Variants in RASGRF2 observed in about 807,000 individuals in gnomAD.
RASGRF2 encodes Ras protein specific guanine nucleotide releasing factor 2, also known as ras-specific guanine nucleotide-releasing factor 2.
A neutral mutation model predicts 151.0 loss-of-function variants in RASGRF2; 76 were observed. That is an observed-to-expected ratio of 0.50 (90% CI 0.42 to 0.61). The LOEUF (loss-of-function observed/expected upper bound fraction) is 0.61, where lower values mean the gene tolerates loss of function less well. Ranked by LOEUF, RASGRF2 falls within the 20% of genes least tolerant of loss-of-function variation. The pLI, the probability that RASGRF2 is intolerant of heterozygous loss-of-function variation, is 0.00. For synonymous variants in RASGRF2, 504 were observed against 566.5 expected (o/e 0.89, Z 1.57); for missense variants, 1,148 against 1,564.6 (o/e 0.73, Z 4.49).
chr5:81,221,822 C>T (rs1755862515), intron 26 of RASGRF2, among the ~76,000 whole-genome samples: 1 of 152,186 alleles, frequency 6.6e-6, no homozygotes, highest in Non-Finnish European at 1.5e-5. Context: ...ACCAAAACTA[C>T]AAAAATTATC....
At chr5:81,087,673 T>G in intron 9 of RASGRF2, 1 of 392,302 alleles carries the variant, frequency 2.5e-6, no homozygotes, top group East Asian at 4.1e-5. Context: ...CCAAGTTATT[T>G]TTTTAGTGCT....
At chr5:81,090,203 C>A (rs922253712) in intron 9 of RASGRF2, among the ~76,000 whole-genome samples, 4 of 152,240 alleles carry the variant, frequency 2.6e-5, no homozygotes, top group Middle Eastern at 6.8e-3. Context: ...ATGCCTAACC[C>A]AATAAGCTGG....
chr5:81,140,065 G>A (rs1030436329), intron 17 of RASGRF2, among the ~76,000 whole-genome samples: 1 of 152,062 alleles, frequency 6.6e-6, no homozygotes, highest in African/African-American at 2.4e-5. Flanking sequence ...CCGTCCTTAA[G>A]TGATCCTCCT....
intron 12 of RASGRF2, among the ~76,000 whole-genome samples, chr5:81,108,339 TCCTGAAC>T (rs368975850): frequency 0.068 from 10,291 of 152,274 alleles, 373 homozygotes; most frequent in South Asian, 0.12. Context: ...TAGCACAGCT[TCCTGAAC>T]TCTCCTCTTG....
chr5:81,204,881 GCTAA>G (rs1278985872), intron 19 of RASGRF2, among the ~76,000 whole-genome samples: 1 of 152,174 alleles, frequency 6.6e-6, no homozygotes, highest in Non-Finnish European at 1.5e-5. Context: ...TTTGATGGGA[GCTAA>G]CTAACTTTTT....
intron 1 of RASGRF2, among the ~76,000 whole-genome samples, chr5:80,969,606 G>T (rs538684790): frequency 6.9e-6 from 1 of 145,202 alleles, no homozygotes; most frequent in Non-Finnish European, 1.5e-5. Context: ...CCGCCACCAC[G>T]CCCGGCTAAT....
chr5:80,987,897 C>T (rs1357753444), intron 1 of RASGRF2, among the ~76,000 whole-genome samples: 1 of 152,110 alleles, frequency 6.6e-6, no homozygotes, highest in Non-Finnish European at 1.5e-5. Flanking sequence ...TCTTAGAAAG[C>T]TACTTAGAGA....
chr5:81,046,160 A>G (rs1430333992), intron 2 of RASGRF2, among the ~76,000 whole-genome samples: 1 of 152,186 alleles, frequency 6.6e-6, no homozygotes, highest in African/African-American at 2.4e-5. Context: ...TGCCACTTAG[A>G]TACAAAGACT....
intron 9 of RASGRF2, chr5:81,087,651 G>A: frequency 4.4e-6 from 2 of 455,912 alleles, no homozygotes; most frequent in South Asian, 4.5e-5. Context: ...AATGCAAGAC[G>A]TAAACCACAT....
intron 1 of RASGRF2, among the ~76,000 whole-genome samples, chr5:80,979,394 T>G (rs1241323872): frequency 6.6e-6 from 1 of 152,202 alleles, no homozygotes; most frequent in Non-Finnish European, 1.5e-5. Context: ...TCATTGTAAT[T>G]AAAGTGCCTA....
At chr5:80,995,235 G>T (rs1357848731) in intron 1 of RASGRF2, among the ~76,000 whole-genome samples, 1 of 132,760 alleles carries the variant, frequency 7.5e-6, no homozygotes, top group Non-Finnish European at 1.5e-5. Flanking sequence ...CAGCCTGGGC[G>T]ATAGAGCCAG....
chr5:81,113,201 G>A (rs779345199), intron 14 of RASGRF2, among the ~76,000 whole-genome samples: 19 of 151,420 alleles, frequency 1.3e-4, no homozygotes, highest in African/African-American at 3.9e-4. Context: ...AATCAGTTGC[G>A]TGTGGTGTGG....
intron 12 of RASGRF2, among the ~76,000 whole-genome samples, chr5:81,105,067 C>T (rs957986802): frequency 3.3e-5 from 5 of 152,146 alleles, no homozygotes; most frequent in African/African-American, 1.2e-4. Flanking sequence ...AACTGCTTCC[C>T]TTCTTGTCTC....
intron 26 of RASGRF2, among the ~76,000 whole-genome samples, chr5:81,220,346 T>A (rs1755831942): frequency 6.6e-6 from 1 of 152,186 alleles, no homozygotes; most frequent in African/African-American, 2.4e-5. Context: ...GACTTTACTT[T>A]TTTAGAATAG....
rs564320208 is a variant in RASGRF2 at position 81,034,297 on chromosome 5, C to T, written c.289-8580C>T. Among the ~76,000 whole-genome samples the T allele has an allele frequency of 4.9e-3, 749 of 152,316 alleles. 9 individuals are homozygous for T. Among genetic ancestry groups the T allele is most frequent in the African/African-American group, 0.016 (654 of 41,556 alleles). ...TGGCAATCATTAAAAAGACAGGAAA[C>T]AACAGGTGCTGGAGAGGATGTGGAG... On this transcript the variant is annotated intron_variant, in intron 1 of 26. Transcript: ENST00000265080.
intron 18 of RASGRF2, among the ~76,000 whole-genome samples, chr5:81,195,191 A>G (rs1755236902): frequency 6.6e-6 from 1 of 152,178 alleles, no homozygotes; most frequent in African/African-American, 2.4e-5. Context: ...GGCTCCACCC[A>G]GGGGCCCGCG....
chr5:81,003,565 T>A (rs1749166969), intron 1 of RASGRF2, among the ~76,000 whole-genome samples: 1 of 152,208 alleles, frequency 6.6e-6, no homozygotes, highest in Non-Finnish European at 1.5e-5. Flanking sequence ...TTTTGCCATG[T>A]TGGCCAGGCT....
intron 17 of RASGRF2, among the ~76,000 whole-genome samples, chr5:81,178,370 A>C (rs370564238): frequency 6.6e-6 from 1 of 152,238 alleles, no homozygotes; most frequent in African/African-American, 2.4e-5. Context: ...AGAAGAAGAC[A>C]AAGTTTGGTG....
At chr5:80,968,063 T>C (rs1167565487) in intron 1 of RASGRF2, among the ~76,000 whole-genome samples, 1 of 152,246 alleles carries the variant, frequency 6.6e-6, no homozygotes. Context: ...ATCCGGATAG[T>C]ACCTGCTCCA....
Sources: gnomAD v4.1 joint callset for allele counts (sites outside exome capture counted in the v4.1 genomes callset) on GRCh38, gnomAD v4.1.1 for gene constraint, MANE v1.5 for transcripts, NCBI Gene and HGNC (gene_info 2026-07-23, HGNC 2026-07-21) for gene names.